Variants in TRRAP observed in about 807,000 individuals in gnomAD.
TRRAP encodes the protein transformation/transcription domain-associated protein.
In TRRAP, 41 loss-of-function variants were observed where a neutral mutation model predicts 438.8. The observed-to-expected ratio is 0.09, with a 90% CI of 0.07 to 0.12. The LOEUF (loss-of-function observed/expected upper bound fraction) is 0.12, where lower values mean the gene tolerates loss of function less well. Ranked by LOEUF, TRRAP falls within the 10% of genes least tolerant of loss-of-function variation. The pLI, the probability that TRRAP is intolerant of heterozygous loss-of-function variation, is 1.00. For missense variants in TRRAP, 3,122 were observed against 5,055.1 expected (o/e 0.62, Z 11.60); for synonymous variants, 1,994 against 1,962.9 (o/e 1.02, Z -0.42).
intron 30 of TRRAP, 39 bp downstream of exon 30, chr7:98,937,859 C>G (rs1038414130): frequency 6.4e-7 from 1 of 1,552,350 alleles, no homozygotes. Context: ...AACAAACTTT[C>G]AAAAAATTAA....
intron 31 of TRRAP, among the ~76,000 whole-genome samples, chr7:98,944,085 T>C (rs1366843587): frequency 6.6e-6 from 1 of 152,216 alleles, no homozygotes; most frequent in African/African-American, 2.4e-5. Flanking sequence ...TGTTTATATA[T>C]GTGGAAGAGA....
chr7:98,881,842 C>T, intron 2 of TRRAP, 133 bp from the exon 3 acceptor site: 1 of 900,278 alleles, frequency 1.1e-6, no homozygotes, highest in South Asian at 1.7e-5. Flanking sequence ...TAGCTATGTG[C>T]CTTCTATTAG....
intron 69 of TRRAP, among the ~76,000 whole-genome samples, chr7:99,007,061 G>A (rs528503579): frequency 1.1e-4 from 17 of 152,210 alleles, no homozygotes; most frequent in Non-Finnish European, 1.6e-4. Context: ...ATACCGAATG[G>A]TGATTGGGAA....
chr7:98,903,233 G>A, intron 11 of TRRAP, 146 bp from the exon 12 acceptor site: 1 of 924,604 alleles, frequency 1.1e-6, no homozygotes, highest in Non-Finnish European at 1.6e-6. Context: ...TGTTGGCCAG[G>A]CTAGTCTTGA....
chr7:98,977,986 A>C (rs1792743272), intron 56 of TRRAP, among the ~76,000 whole-genome samples: 1 of 152,180 alleles, frequency 6.6e-6, no homozygotes, highest in Non-Finnish European at 1.5e-5. Flanking sequence ...GGCAGTGAAA[A>C]GGCTGTGTTT....
rs1171224038 is a variant in TRRAP, at chr7:98,970,238, A to G, written c.7639A>G (p.Thr2547Ala). 53 of 1,613,518 alleles carry G rather than the reference A, an allele frequency of 3.3e-5. No individual in the cohort carries two copies. Among genetic ancestry groups the G allele is most frequent in the Non-Finnish European group, 4.5e-5 (53 of 1,180,012 alleles). The change falls in exon 52 of 73, where the codon ACA becomes GCA. Residue 2547 changes from threonine (T) to alanine (A), a missense_variant. Coordinates refer to ENST00000456197, the MANE Select transcript of TRRAP (RefSeq NM_001375524.1). ...CGACCGTGCCGCCTTCGCCATGGTC[A>G]CACATGTCAAGCAGGAGCCCCGGGA... Reference protein sequence around the residue: ...SHDRAAFAMVTHVKQEPRERE... With the variant: ...SHDRAAFAMVAHVKQEPRERE...
Position 98,956,127 on chromosome 7 carries a change from G to A in TRRAP, c.5938-19G>A, listed in dbSNP as rs782380481. On this transcript the variant is annotated intron_variant, in intron 41 of 72. Transcript: ENST00000456197. This position sits in a 1 kb window ranked among gnomAD's most constrained non-coding sequence, Gnocchi z 4.5. ...CCAAGCTCCCATGTTCCGGCGTGAT[G>A]CTGGCCCTGCGTCCGCAGGTGTACT... 1.2e-6 allele frequency: 2 copies of A among 1,604,574 alleles called. No homozygotes were observed. The highest frequency in any genetic ancestry group is 1.7e-6 in the Non-Finnish European group (2 of 1,175,576).
chr7:98,882,766 A>G (rs1554403368), intron 3 of TRRAP, among the ~76,000 whole-genome samples: 1 of 151,714 alleles, frequency 6.6e-6, no homozygotes, highest in African/African-American at 2.4e-5. Flanking sequence ...GATTCAAGCG[A>G]TTCTCCTGCC....
At chr7:98,981,304 A>C (rs1210741635) in intron 58 of TRRAP, among the ~76,000 whole-genome samples, 3 of 152,168 alleles carry the variant, frequency 2.0e-5, no homozygotes, top group East Asian at 1.9e-4. Flanking sequence ...CAGGAGGCTG[A>C]GGCAGGAGAA....
At position 99,001,052 on chromosome 7, in the gene TRRAP, GAC is replaced by G. The variant is rs57913246; in HGVS notation, c.10310-3134_10310-3133del. Among the ~76,000 whole-genome samples the G allele has an allele frequency of 2.7e-3, 404 of 152,370 alleles. 2 individuals are homozygous for G. Among genetic ancestry groups the G allele is most frequent in the African/African-American group, 9.5e-3 (395 of 41,582 alleles). On this transcript the variant is annotated intron_variant, in intron 67 of 72. Coordinates refer to ENST00000456197, the MANE Select transcript of TRRAP (RefSeq NM_001375524.1). The stretch of plus-strand genomic sequence containing the variant: ...CCTAAAGACTCATTGTGTCCTAGAT[GAC>G]ACAGTTAATATTAAGTCACATAAAA...
chr7:98,919,935 C>G (rs926939572), intron 20 of TRRAP, among the ~76,000 whole-genome samples: 1 of 152,192 alleles, frequency 6.6e-6, no homozygotes, highest in African/African-American at 2.4e-5. Flanking sequence ...GGAGGGCATG[C>G]TTGTTCCCAG....
intron 20 of TRRAP, among the ~76,000 whole-genome samples, chr7:98,921,234 C>T (rs140774590): frequency 9.8e-5 from 15 of 152,316 alleles, no homozygotes; most frequent in Non-Finnish European, 2.2e-4. Flanking sequence ...TATGTTTACA[C>T]AGGTACTTTC....
rs1380084880 is a variant in TRRAP, at chr7:98,892,454, C to T, written c.292C>T (p.His98Tyr). 6.2e-7 allele frequency: 1 copy of T among 1,611,704 alleles called. No homozygotes were observed. ...GCGGAAGCTCGTACTTGAAATAATTCATAGAATACCAACCAACGAACATCT... is the reference window on the plus strand; with the variant it reads ...GCGGAAGCTCGTACTTGAAATAATTTATAGAATACCAACCAACGAACATCT... ...QLRKLVLEII[H>Y]RIPTNEHLRP... Residue 98 changes from histidine to tyrosine, a missense_variant, in exon 5 of 73, where the codon CAT becomes TAT. This residue lies in a region of TRRAP where 343 missense variants were observed against 564.0 expected (regional missense o/e 0.61). Coordinates refer to ENST00000456197, the MANE Select transcript of TRRAP (RefSeq NM_001375524.1).
At chr7:98,965,591 A>AG (rs1275672333) in intron 48 of TRRAP, 105 bp from the exon 49 acceptor site, 41 of 1,485,714 alleles carry the variant, frequency 2.8e-5, no homozygotes, top group Non-Finnish European at 2.0e-5. Flanking sequence ...AAAAACATTG[A>AG]GGGGGAAAAT....
At position 98,937,702 on chromosome 7, in the gene TRRAP, C is replaced by T; in HGVS notation, c.4286C>T (p.Pro1429Leu). ...EVDQIHTHMR[P>L]LLMMLGDYRS... is the part of the protein sequence containing the mutation. The stretch of plus-strand genomic sequence containing the variant: ...GATCAAATCCACACACATATGCGAC[C>T]TTTGCTGATGATGCTGGGAGATTAC... The change falls in exon 30 of 73, where the codon CCT (proline) becomes CTT (leucine). Residue 1429 changes from proline (P) to leucine (L), a missense_variant. Physicochemically the swap from Pro to Leu is moderately conservative, Grantham distance 98. Around this residue, in one of 24 missense-constraint regions of TRRAP, gnomAD observed 108 missense variants for 256.9 expected, o/e 0.42. Coordinates refer to ENST00000456197, the MANE Select transcript of TRRAP (RefSeq NM_001375524.1). 6.2e-7 allele frequency: 1 copy of T among 1,613,934 alleles called. No homozygotes were observed. The highest frequency in any genetic ancestry group is 8.5e-7 in the Non-Finnish European group (1 of 1,179,944).
intron 1 of TRRAP, 70 bp from the exon 2 acceptor site, chr7:98,881,020 G>T (rs1399496870): frequency 2.5e-5 from 15 of 588,916 alleles, no homozygotes; most frequent in Non-Finnish European, 3.9e-5. Flanking sequence ...AGGCCTTTAG[G>T]TAAGATTTTC....
Position 99,012,436 on chromosome 7 carries a change from G to A in TRRAP, c.*81G>A, listed in dbSNP as rs918512840. On this transcript the variant is annotated 3_prime_UTR_variant, in exon 73 of 73. Coordinates refer to ENST00000456197, the MANE Select transcript of TRRAP (RefSeq NM_001375524.1). The surrounding 1 kb of genome is among the most constrained non-coding windows in gnomAD (Gnocchi z 5.9). ...AGCTTTTACGACTTCTCCCTGCCTC[G>A]TTCCTTATATTCACAGAAGCCCCAT... 1.8e-4 allele frequency: 259 copies of A among 1,442,362 alleles called. No individual in the cohort carries two copies. The highest frequency in any genetic ancestry group is 2.8e-4 in the South Asian group (20 of 70,744). 89.3% of individuals were successfully genotyped at this position (1,442,362 alleles called of 1,614,324 possible).
chr7:98,994,530 G>C lies in TRRAP; in HGVS notation c.10048-57G>C, dbSNP rs181610709. On this transcript the variant is annotated intron_variant, in intron 66 of 72. Transcript: ENST00000456197. The surrounding 1 kb of genome is among the most constrained non-coding windows in gnomAD (Gnocchi z 4.8). ...CCGCACTCAATAGGCGCTTTTGGCTGCTGGTTCTGGAGTGGAGGGCTGTGT... is the reference window on the plus strand; with the variant it reads ...CCGCACTCAATAGGCGCTTTTGGCTCCTGGTTCTGGAGTGGAGGGCTGTGT... 388 of 1,604,988 alleles carry C rather than the reference G, an allele frequency of 2.4e-4. 3 individuals are homozygous for C. The East Asian group carries it at 8.0e-3, about 33-fold the overall frequency.
At chr7:98,945,990 G>T in intron 33 of TRRAP, 40 bp downstream of exon 33, 1 of 1,409,160 alleles carries the variant, frequency 7.1e-7, no homozygotes, top group Non-Finnish European at 9.3e-7. Flanking sequence ...GGTTGTTGTC[G>T]TTGCTGGTTT....
Sources: allele counts gnomAD v4.1 joint callset (sites outside exome capture counted in the v4.1 genomes callset), GRCh38; gene constraint gnomAD v4.1.1; regional missense constraint gnomAD v4.1.1; non-coding constraint Gnocchi (gnomAD v3.1); transcripts MANE v1.5; gene names NCBI Gene and HGNC (gene_info 2026-07-23, HGNC 2026-07-21).